The following USP34 variants were observed in gnomAD, a reference collection of about 807,000 sequenced individuals.
USP34 encodes ubiquitin carboxyl-terminal hydrolase 34.
In USP34, 70 loss-of-function variants were observed where a neutral mutation model predicts 460.3. The ratio of observed to expected loss-of-function variants is 0.15; its 90% CI spans 0.13 to 0.19. USP34 has a LOEUF of 0.19. USP34 is among the 10% of genes least tolerant of loss of function. USP34 has a pLI of 1.00. For synonymous variants in USP34, 1,647 were observed against 1,405.3 expected, an observed-to-expected ratio of 1.17 and a Z score of -3.85; for missense variants, 3,985 against 4,236.2, an observed-to-expected ratio of 0.94 and a Z score of 1.65.
chr2:61,290,758 T>C (rs1418746602), intron 33 of USP34, among the ~76,000 whole-genome samples: 1 of 152,166 alleles, frequency 6.6e-6, no homozygotes, highest in Non-Finnish European at 1.5e-5. Context: ...GAGTGCATTA[T>C]TTATTACATG....
rs751096181 is a variant in USP34, at chr2:61,378,320, A to G, written c.1076+43T>C. The G allele has an allele frequency of 8.7e-6, 12 of 1,375,186 alleles. No individual in the cohort carries two copies. In the South Asian group the frequency reaches 1.4e-4, roughly 17 times the overall value. The allele number at this position is 1,375,186 out of a possible 1,614,324, so 85.2% of individuals were successfully genotyped here. A position where few individuals can be genotyped will look rare whatever the true frequency, so the allele number is the denominator to read the frequency against. ...GAATTTACCATATAAACAACTGTAC[A>G]TTAAAATGGTATACTTATATATAAA... On this transcript the variant is annotated intron_variant, in intron 8 of 79. Transcript: ENST00000398571.
At position 61,283,148 on chromosome 2, in the gene USP34, A is replaced by T. The variant is rs1160716405; in HGVS notation, c.4995T>A (p.Pro1665=). Residue 1665 remains proline (P), a synonymous_variant, in exon 37 of 80, where the codon CCT becomes CCA. Transcript: ENST00000398571. ...TAACCTTCAATCTTTATCTTACCTCAGGAATAAGGAGAGTCAATTTCTTTA... is the reference window on the plus strand; with the variant it reads ...TAACCTTCAATCTTTATCTTACCTCTGGAATAAGGAGAGTCAATTTCTTTA... The part of the protein sequence containing the change: ...DWLKKLTLLI[P]ETAVRHESCS... The T allele has an allele frequency of 3.1e-6, 5 of 1,612,788 alleles. No homozygotes were observed. The South Asian group carries it at 5.5e-5, about 18-fold the overall frequency.
chr2:61,374,486 T>A lies in USP34; in HGVS notation c.1076+3877A>T, dbSNP rs371481131. ...AGACATGCACATAGCAGTGAAAGAT[T>A]AGAATTTTCCAATATGCACATTCCC... On this transcript the variant is annotated intron_variant, in intron 8 of 79. Coordinates refer to ENST00000398571, the MANE Select transcript of USP34 (RefSeq NM_014709.4). Among the ~76,000 whole-genome samples the A allele has an allele frequency of 4.9e-4, 75 of 152,334 alleles. 1 individual carries two copies. In the South Asian group the frequency reaches 0.014, roughly 29 times the overall value.
intron 30 of USP34, 139 bp downstream of exon 30, chr2:61,296,661 G>T: frequency 1.4e-6 from 1 of 734,240 alleles, no homozygotes; most frequent in Non-Finnish European, 2.1e-6. Flanking sequence ...AAAATGCAGT[G>T]GCACTTTTTA....
At chr2:61,282,043 G>A (rs1226359232) in intron 37 of USP34, among the ~76,000 whole-genome samples, 1 of 152,198 alleles carries the variant, frequency 6.6e-6, no homozygotes, top group African/African-American at 2.4e-5. Context: ...AGGCTGGAGT[G>A]CAGTGGTGCG....
intron 58 of USP34, among the ~76,000 whole-genome samples, chr2:61,230,876 A>G (rs1477838923): frequency 6.6e-6 from 1 of 151,874 alleles, no homozygotes; most frequent in Admixed American, 6.6e-5. Context: ...CAAAAACAAA[A>G]AACAGTTTAC....
chr2:61,452,087 T>C (rs1425720602), intron 1 of USP34, among the ~76,000 whole-genome samples: 1 of 149,170 alleles, frequency 6.7e-6, no homozygotes, highest in Non-Finnish European at 1.5e-5. Flanking sequence ...GGCAGGAGAA[T>C]GGTGTGAACC....
At chr2:61,422,093 A>G (rs1694379679) in intron 1 of USP34, among the ~76,000 whole-genome samples, 1 of 152,228 alleles carries the variant, frequency 6.6e-6, no homozygotes, top group Non-Finnish European at 1.5e-5. Context: ...GAAGCCGAAG[A>G]CACTACTGAC....
intron 8 of USP34, among the ~76,000 whole-genome samples, chr2:61,376,733 C>CG (rs11404882): frequency 0.33 from 50,643 of 151,750 alleles, 8,485 homozygotes; most frequent in Non-Finnish European, 0.38. Flanking sequence ...ACTGCAATCT[C>CG]TGTCTCCGGG....
At chr2:61,273,771 T>C (rs1689289971) in intron 41 of USP34, among the ~76,000 whole-genome samples, 2 of 152,118 alleles carry the variant, frequency 1.3e-5, no homozygotes, top group African/African-American at 2.4e-5. Flanking sequence ...AATTAAGATA[T>C]GATATTGGTG....
intron 18 of USP34, among the ~76,000 whole-genome samples, chr2:61,335,558 G>A (rs1022278397): frequency 2.0e-5 from 3 of 152,070 alleles, no homozygotes; most frequent in Non-Finnish European, 4.4e-5. Flanking sequence ...ACCAGCCAGG[G>A]AAACACAGTG....
Position 61,248,631 on chromosome 2 carries a change from T to A in USP34, c.6274A>T (p.Thr2092Ser). 6.2e-7 allele frequency: 1 copy of A among 1,603,632 alleles called. No individual in the cohort carries two copies. The highest frequency in any genetic ancestry group is 8.5e-7 in the Non-Finnish European group (1 of 1,173,440). ...TTCATCATCGTGACCATATTAAATG[T>A]GTATCTCATAGTATTGAAACTCAAA... ...RILSFNTMRY[T>S]FNMVTMMKEK... Residue 2092 changes from threonine (T) to serine (S), a missense_variant, in exon 49 of 80, where the codon ACA (threonine) becomes TCA (serine). Around this residue, in one of 14 missense-constraint regions of USP34, gnomAD observed 145 missense variants for 291.6 expected, o/e 0.50. Transcript: ENST00000398571.
At chr2:61,315,360 C>G (rs759526537) in intron 23 of USP34, among the ~76,000 whole-genome samples, 10 of 152,002 alleles carry the variant, frequency 6.6e-5, no homozygotes, top group Non-Finnish European at 8.8e-5. Context: ...TATGCTAACT[C>G]AAGTTCTCAC....
intron 1 of USP34, among the ~76,000 whole-genome samples, chr2:61,464,718 A>AAAG (rs1695712835): frequency 2.0e-5 from 1 of 48,852 alleles, no homozygotes; most frequent in Non-Finnish European, 4.1e-5. Flanking sequence ...ACTCCGTCTC[A>AAAG]AAAAAAAAAA....
chr2:61,275,052 G>C (rs1689330749), intron 41 of USP34, among the ~76,000 whole-genome samples: 1 of 152,170 alleles, frequency 6.6e-6, no homozygotes, highest in African/African-American at 2.4e-5. Flanking sequence ...CAAGGCAGAA[G>C]GACTGCTTGA....
intron 10 of USP34, among the ~76,000 whole-genome samples, chr2:61,362,544 G>C (rs538880922): frequency 6.6e-6 from 1 of 152,236 alleles, no homozygotes; most frequent in East Asian, 1.9e-4. Context: ...ATTATGCTAG[G>C]TGAAATAAAC....
At chr2:61,383,228 T>C (rs886363207) in intron 6 of USP34, 41 bp downstream of exon 6, 4 of 1,384,638 alleles carry the variant, frequency 2.9e-6, no homozygotes, top group Admixed American at 2.0e-5. Context: ...TTTAAATATA[T>C]TACACTGATA....
chr2:61,320,763 C>T (rs1384661899), intron 21 of USP34, among the ~76,000 whole-genome samples: 2 of 151,656 alleles, frequency 1.3e-5, no homozygotes, highest in Non-Finnish European at 2.9e-5. Context: ...TAATCCCAGC[C>T]CTTCGGGAGG....
chr2:61,358,443 T>C (rs1341078863), intron 10 of USP34, among the ~76,000 whole-genome samples: 1 of 151,910 alleles, frequency 6.6e-6, no homozygotes. Context: ...CCTTTCATGA[T>C]AAAAATTCTC....
Sources: allele counts gnomAD v4.1 joint callset (sites outside exome capture counted in the v4.1 genomes callset), GRCh38; gene constraint gnomAD v4.1.1; regional missense constraint gnomAD v4.1.1; transcripts MANE v1.5; gene names NCBI Gene and HGNC (gene_info 2026-07-23, HGNC 2026-07-21).